ABHD3: variants seen among roughly 807,000 people sequenced by gnomAD.
ABHD3 encodes the protein abhydrolase domain containing 3, phospholipase.
A neutral mutation model predicts 48.8 loss-of-function variants in ABHD3; 46 were observed. The ratio of observed to expected loss-of-function variants is 0.94; its 90% confidence interval spans 0.74 to 1.20. The LOEUF (loss-of-function observed/expected upper bound fraction) is 1.20. Ranked by LOEUF, ABHD3 falls within the 50% of genes most tolerant of loss-of-function variation. The pLI is 0.00. For synonymous variants in ABHD3, 192 were observed against 183.7 expected, an observed-to-expected ratio of 1.04 and a Z score of -0.36; for missense variants, 490 against 497.8, an observed-to-expected ratio of 0.98 and a Z score of 0.15.
At chr18:21,664,388 C>T in intron 4 of ABHD3, 158 bp from the exon 5 acceptor site, 1 of 672,676 alleles carries the variant, frequency 1.5e-6, no homozygotes, top group South Asian at 2.3e-5. Flanking sequence ...TCCTGTCTTG[C>T]AGCGCACATA....
At chr18:21,678,272 G>A (rs565450533) in intron 4 of ABHD3, among the ~76,000 whole-genome samples, 64 of 152,226 alleles carry the variant, frequency 4.2e-4, no homozygotes, top group Non-Finnish European at 6.8e-4. Context: ...AAGTTATTGT[G>A]AGAACATATA....
intron 3 of ABHD3, among the ~76,000 whole-genome samples, chr18:21,684,999 G>A (rs188354765): frequency 6.6e-6 from 1 of 152,308 alleles, no homozygotes; most frequent in African/African-American, 2.4e-5. Context: ...AATGGTAGTT[G>A]TAGTGTCGTG....
intron 4 of ABHD3, among the ~76,000 whole-genome samples, chr18:21,672,289 T>G (rs2039773764): frequency 6.6e-6 from 1 of 152,200 alleles, no homozygotes; most frequent in South Asian, 2.1e-4. Context: ...GAGATTAATT[T>G]GCTACTCTGC....
intron 3 of ABHD3, among the ~76,000 whole-genome samples, chr18:21,684,311 C>CTTTTTTTTTTT (rs564516602): frequency 8.5e-5 from 7 of 82,812 alleles, no homozygotes; most frequent in South Asian, 5.0e-4. Context: ...AATGTTTTTG[C>CTTTTTTTTTTT]TTTTTTTTTT....
chr18:21,675,069 G>A (rs1167439900), intron 4 of ABHD3, among the ~76,000 whole-genome samples: 6 of 152,070 alleles, frequency 3.9e-5, no homozygotes, highest in South Asian at 2.1e-4. Context: ...TTGGAGGGAC[G>A]ATCCTCTCTC....
chr18:21,695,322 G>T (rs1053563514), intron 3 of ABHD3, among the ~76,000 whole-genome samples: 6 of 152,204 alleles, frequency 3.9e-5, no homozygotes, highest in African/African-American at 1.4e-4. Flanking sequence ...GAGCCATCAT[G>T]CATGGCCAAG....
chr18:21,661,170 C>G (rs188120248), intron 5 of ABHD3, among the ~76,000 whole-genome samples: 56 of 144,438 alleles, frequency 3.9e-4, no homozygotes, highest in African/African-American at 1.4e-3. Flanking sequence ...GCATACCAAT[C>G]TCAATGTATA....
chr18:21,674,919 G>A (rs1242577930), intron 4 of ABHD3, among the ~76,000 whole-genome samples: 3 of 152,042 alleles, frequency 2.0e-5, no homozygotes, highest in African/African-American at 4.8e-5. Flanking sequence ...CCCACAGTGG[G>A]GTGGGGTGGA....
chr18:21,685,437 GC>G (rs2040109569), intron 3 of ABHD3, among the ~76,000 whole-genome samples: 1 of 152,190 alleles, frequency 6.6e-6, no homozygotes, highest in Non-Finnish European at 1.5e-5. Context: ...ATTTTATTAG[GC>G]CCAGTTGAAA....
intron 4 of ABHD3, among the ~76,000 whole-genome samples, chr18:21,665,696 C>T (rs1177546018): frequency 1.3e-5 from 2 of 151,606 alleles, no homozygotes; most frequent in East Asian, 3.9e-4. Flanking sequence ...GCTGTAGTCC[C>T]AGCTACTCAG....
chr18:21,703,219 C>CCA (rs1048675675), intron 2 of ABHD3, among the ~76,000 whole-genome samples: 1 of 63,050 alleles, frequency 1.6e-5, no homozygotes, highest in Non-Finnish European at 3.3e-5. Flanking sequence ...TCTCACCCCA[C>CCA]CCCCCCCCCC....
At chr18:21,657,514 GTTTT>G (rs562560785) in intron 6 of ABHD3, among the ~76,000 whole-genome samples, 3 of 147,968 alleles carry the variant, frequency 2.0e-5, no homozygotes, top group Admixed American at 1.4e-4. Flanking sequence ...AATTTTGTGG[GTTTT>G]TTTTTTCTTT....
At chr18:21,680,581 G>A (rs2039981971) in intron 4 of ABHD3, among the ~76,000 whole-genome samples, 1 of 151,980 alleles carries the variant, frequency 6.6e-6, no homozygotes, top group South Asian at 2.1e-4. Flanking sequence ...ATTTGCTGGG[G>A]GGTACTAGTT....
chr18:21,677,653 T>C (rs1027100539), intron 4 of ABHD3, among the ~76,000 whole-genome samples: 4 of 152,056 alleles, frequency 2.6e-5, no homozygotes, highest in Admixed American at 2.6e-4. Context: ...ATGTACAGGT[T>C]TTTTTACTTT....
chr18:21,675,299 C>T lies in ABHD3; in HGVS notation c.555+8621G>A, dbSNP rs1170452071. Among the ~76,000 whole-genome samples, 8 of 135,246 alleles carry T rather than the reference C, an allele frequency of 5.9e-5. No homozygotes were observed. In the South Asian group the frequency reaches 1.5e-3, roughly 25 times the overall value. The allele number at this position is 135,246 out of a possible 152,430, so 88.7% of individuals were successfully genotyped here. On this transcript the variant is annotated intron_variant, in intron 4 of 8. Coordinates refer to ENST00000289119, the MANE Select transcript of ABHD3 (RefSeq NM_138340.5). The stretch of plus-strand genomic sequence containing the variant: ...TTTTTTTTTTTTTGAGACTGAGTCT[C>T]GCTCTGTTGCCCAGGCTGGAGTGCA...
chr18:21,678,407 T>C (rs1377117334), intron 4 of ABHD3, among the ~76,000 whole-genome samples: 1 of 152,178 alleles, frequency 6.6e-6, no homozygotes, highest in Non-Finnish European at 1.5e-5. Flanking sequence ...GAAGTCTGCA[T>C]GATCCTATAA....
rs73963234 is a variant in ABHD3 at position 21,695,561 on chromosome 18, A to G, written c.509+6755T>C. 9.3e-3 allele frequency among the ~76,000 whole-genome samples: 1,416 copies of G among 152,178 alleles called. 25 individuals carry two copies. The highest frequency in any genetic ancestry group is 0.032 in the African/African-American group (1,327 of 41,532). ...TGCAAAAGTAATTGGGGTTTTTGTC[A>G]TTAAACATAATGGCAAATTACTTTT... On this transcript the variant is annotated intron_variant, in intron 3 of 8. Coordinates refer to ENST00000289119, the MANE Select transcript of ABHD3 (RefSeq NM_138340.5).
At chr18:21,679,756 A>C (rs1257307555) in intron 4 of ABHD3, among the ~76,000 whole-genome samples, 1 of 152,012 alleles carries the variant, frequency 6.6e-6, no homozygotes, top group Non-Finnish European at 1.5e-5. Context: ...CAAACTCCTG[A>C]CCTCATGATC....
In ABHD3 at chr18:21,664,105, G is replaced by C. The variant is rs752795385; in HGVS notation, c.668+13C>G. The C allele has an allele frequency of 6.2e-7, 1 of 1,602,260 alleles. No individual in the cohort carries two copies. Among genetic ancestry groups the C allele is most frequent in the Non-Finnish European group, 8.5e-7 (1 of 1,177,172 alleles). Reference sequence around the variant, plus strand: ...TCCCTCTCAGAGATTATTTTAGAAAGGGAAAACCTTACCCTCCCATTGAAA... The same window carrying C: ...TCCCTCTCAGAGATTATTTTAGAAACGGAAAACCTTACCCTCCCATTGAAA... On this transcript the variant is annotated intron_variant, in intron 5 of 8. Coordinates refer to ENST00000289119, the MANE Select transcript of ABHD3 (RefSeq NM_138340.5).
Sources: gnomAD v4.1 joint callset for allele counts (sites outside exome capture counted in the v4.1 genomes callset) on GRCh38, gnomAD v4.1.1 for gene constraint, MANE v1.5 for transcripts, NCBI Gene and HGNC (gene_info 2026-07-23, HGNC 2026-07-21) for gene names.